KIF26B: variants seen among roughly 807,000 people sequenced by gnomAD.
KIF26B encodes the protein kinesin family member 26B.
In KIF26B, 63 loss-of-function variants were observed where a neutral mutation model predicts 151.2. The observed-to-expected ratio is 0.42, with a 90% CI of 0.34 to 0.51. The LOEUF is 0.51. Ranked by LOEUF, KIF26B falls within the 20% of genes least tolerant of loss-of-function variation. The probability of loss-of-function intolerance (pLI) is 0.07; values close to 1 mark genes in which losing one functional copy is unlikely to be tolerated. For synonymous variants in KIF26B, 1,357 were observed against 1,262.1 expected (o/e 1.08, Z -1.59); for missense variants, 2,813 against 2,913.6 (o/e 0.97, Z 0.79).
chr1:245,277,331 C>T (rs1009955165), intron 2 of KIF26B, among the ~76,000 whole-genome samples: 1 of 152,186 alleles, frequency 6.6e-6, no homozygotes. Context: ...TGGTCAATAG[C>T]CTTATCTATG....
At chr1:245,208,883 C>T (rs1261258844) in intron 2 of KIF26B, among the ~76,000 whole-genome samples, 2 of 152,206 alleles carry the variant, frequency 1.3e-5, no homozygotes, top group African/African-American at 2.4e-5. Flanking sequence ...AGCAAAAACG[C>T]TGTCACTGCT....
At chr1:245,465,764 G>T (rs890539923) in intron 4 of KIF26B, among the ~76,000 whole-genome samples, 11 of 152,200 alleles carry the variant, frequency 7.2e-5, no homozygotes, top group African/African-American at 2.7e-4. Context: ...CCGCTGGGGA[G>T]GCCTGAGGGC....
chr1:245,687,660 T>A lies in KIF26B; in HGVS notation c.4677T>A (p.Ala1559=). The A allele has an allele frequency of 6.3e-7, 1 of 1,575,902 alleles. No homozygotes were observed. Among genetic ancestry groups the A allele is most frequent in the Non-Finnish European group, 8.6e-7 (1 of 1,161,116 alleles). The change falls in exon 12 of 15, where the codon GCT becomes GCA. Residue 1559 remains alanine, a synonymous_variant. Transcript: ENST00000407071. This position sits in a 1 kb window ranked among gnomAD's most constrained non-coding sequence, Gnocchi z 4.9. The part of the protein sequence containing the change: ...EPDSLSYYCA[A]ETNGVGAASG... ...ACAGCCTCTCCTATTACTGCGCTGC[T>A]GAGACCAACGGGGTGGGTGCAGCCT...
chr1:245,182,691 AGTGGC>A (rs1668928624), intron 2 of KIF26B, among the ~76,000 whole-genome samples: 1 of 152,098 alleles, frequency 6.6e-6, no homozygotes. Flanking sequence ...GCTGGAGTGC[AGTGGC>A]GCCATCTCGG....
At chr1:245,663,056 T>G (rs10924294) in intron 10 of KIF26B, among the ~76,000 whole-genome samples, 40,652 of 151,068 alleles carry the variant, frequency 0.27, 7,773 homozygotes, top group African/African-American at 0.55. Context: ...TTCTGCTATT[T>G]TGTCCTACAA....
chr1:245,186,420 T>G (rs1669002546), intron 2 of KIF26B, among the ~76,000 whole-genome samples: 1 of 152,172 alleles, frequency 6.6e-6, no homozygotes, highest in South Asian at 2.1e-4. Context: ...TGGGTGCAGC[T>G]AAACCAGCTA....
intron 2 of KIF26B, among the ~76,000 whole-genome samples, chr1:245,228,317 T>G (rs1669919106): frequency 6.6e-6 from 1 of 152,150 alleles, no homozygotes; most frequent in Non-Finnish European, 1.5e-5. Context: ...TATCTTCCCA[T>G]GTATCCTTAG....
chr1:245,650,563 T>C (rs1435900689), intron 10 of KIF26B, among the ~76,000 whole-genome samples: 1 of 152,256 alleles, frequency 6.6e-6, no homozygotes, highest in Admixed American at 6.5e-5. Context: ...TAGATGTTGC[T>C]TTGTAGAGGG....
intron 9 of KIF26B, among the ~76,000 whole-genome samples, chr1:245,637,694 G>A (rs2043850255): frequency 6.6e-6 from 1 of 151,948 alleles, no homozygotes; most frequent in Admixed American, 6.6e-5. Flanking sequence ...AAAAAATGAA[G>A]CTCTAGTTTC....
intron 3 of KIF26B, among the ~76,000 whole-genome samples, chr1:245,414,280 G>T (rs1674364337): frequency 6.6e-6 from 1 of 152,242 alleles, no homozygotes; most frequent in Admixed American, 6.5e-5. Context: ...TTGTAGGAAA[G>T]GCCACTGCCT....
At chr1:245,478,982 T>G (rs1207079890) in intron 4 of KIF26B, among the ~76,000 whole-genome samples, 3 of 151,796 alleles carry the variant, frequency 2.0e-5, no homozygotes, top group African/African-American at 7.2e-5. Context: ...GTTGGAAAGA[T>G]GGAGCTGCCA....
At chr1:245,313,300 C>A (rs540076830) in intron 2 of KIF26B, among the ~76,000 whole-genome samples, 1 of 152,330 alleles carries the variant, frequency 6.6e-6, no homozygotes, top group East Asian at 1.9e-4. Flanking sequence ...CCTGTGGGGC[C>A]AGGTCACTCT....
chr1:245,180,358 G>A (rs918876932), intron 2 of KIF26B, among the ~76,000 whole-genome samples: 1 of 152,108 alleles, frequency 6.6e-6, no homozygotes, highest in African/African-American at 2.4e-5. Flanking sequence ...GGGAGTCTGC[G>A]TTCTAATTCT....
intron 5 of KIF26B, among the ~76,000 whole-genome samples, chr1:245,599,727 G>A (rs1324252965): frequency 6.6e-6 from 1 of 152,182 alleles, no homozygotes; most frequent in Non-Finnish European, 1.5e-5. Context: ...CCTTCCCAAA[G>A]TTGCGACTTG....
intron 4 of KIF26B, among the ~76,000 whole-genome samples, chr1:245,447,400 C>G (rs72761195): frequency 0.03 from 4,589 of 152,226 alleles, 174 homozygotes; most frequent in African/African-American, 0.084. Flanking sequence ...CTGCTATGGT[C>G]TGAATGTTGG....
chr1:245,355,350 T>C (rs1016556694), intron 2 of KIF26B, among the ~76,000 whole-genome samples: 3 of 152,096 alleles, frequency 2.0e-5, no homozygotes, highest in Non-Finnish European at 4.4e-5. Context: ...CAACCAAAAA[T>C]GTCTCCAGAT....
At chr1:245,184,057 T>G (rs867156490) in intron 2 of KIF26B, among the ~76,000 whole-genome samples, 20 of 97,132 alleles carry the variant, frequency 2.1e-4, no homozygotes, top group Non-Finnish European at 3.1e-4. Flanking sequence ...GTTGTTTTTT[T>G]TTTTTTTTTT....
At chr1:245,257,714 A>G (rs79510981) in intron 2 of KIF26B, among the ~76,000 whole-genome samples, 3,865 of 152,216 alleles carry the variant, frequency 0.025, 150 homozygotes, top group African/African-American at 0.087. Context: ...ACAGGGGTAG[A>G]TATTTGTGAT....
chr1:245,543,777 G>A (rs933112629), intron 5 of KIF26B, among the ~76,000 whole-genome samples: 8 of 152,044 alleles, frequency 5.3e-5, no homozygotes, highest in African/African-American at 1.9e-4. Context: ...GTGAAACCCC[G>A]TCTCTACTAA....
Sources: allele counts gnomAD v4.1 joint callset (sites outside exome capture counted in the v4.1 genomes callset), GRCh38; gene constraint gnomAD v4.1.1; non-coding constraint Gnocchi (gnomAD v3.1); transcripts MANE v1.5; gene names NCBI Gene and HGNC (gene_info 2026-07-23, HGNC 2026-07-21).